UNC13C: variants seen among roughly 807,000 people sequenced by gnomAD.
UNC13C encodes unc-13 homolog C.
In UNC13C, 174 loss-of-function variants were observed where a neutral mutation model predicts 245.4. That is an observed-to-expected ratio of 0.71 (90% CI 0.63 to 0.80). The LOEUF is 0.80. Ranked by LOEUF, UNC13C falls within the 30% of genes least tolerant of loss-of-function variation. The pLI, the probability that UNC13C is intolerant of heterozygous loss-of-function variation, is 0.00. For synonymous variants in UNC13C, 992 were observed against 895.1 expected, an observed-to-expected ratio of 1.11 and a Z score of -1.93; for missense variants, 2,829 against 2,602.9, an observed-to-expected ratio of 1.09 and a Z score of -1.89.
intron 4 of UNC13C, among the ~76,000 whole-genome samples, chr15:54,152,529 T>A (rs752280314): frequency 6.6e-6 from 1 of 152,220 alleles, no homozygotes; most frequent in Non-Finnish European, 1.5e-5. Context: ...AGAGTCAAGC[T>A]TAATCTTCTA....
Position 54,532,919 on chromosome 15 carries a change from T to G in UNC13C, c.5549T>G (p.Phe1850Cys), listed in dbSNP as rs1195747473. The change falls in exon 26 of 33, where the codon TTC becomes TGC. Residue 1850 changes from phenylalanine to cysteine, a missense_variant and splice_region_variant. Coordinates refer to ENST00000260323, the MANE Select transcript of UNC13C (RefSeq NM_001080534.3). Reference sequence around the variant, plus strand: ...GAATTTATATTCTTTATTTTTAGTTTCCAGGTTATAATTGAAGAGTGTATA... The same window carrying G: ...GAATTTATATTCTTTATTTTTAGTTGCCAGGTTATAATTGAAGAGTGTATA... The part of the protein sequence containing the change: ...DELSVTYGES[F>C]QVIIEECIKQ... 2 of 1,522,954 alleles carry G rather than the reference T, an allele frequency of 1.3e-6. No homozygotes were observed. Among genetic ancestry groups the G allele is most frequent in the South Asian group, 1.2e-5 (1 of 80,264 alleles). 94.3% of individuals were successfully genotyped at this position (1,522,954 alleles called of 1,614,324 possible). A position where few individuals can be genotyped will look rare whatever the true frequency, so the allele number is the denominator to read the frequency against.
At chr15:54,610,176 G>A (rs1174831090) in intron 30 of UNC13C, among the ~76,000 whole-genome samples, 1 of 152,120 alleles carries the variant, frequency 6.6e-6, no homozygotes, top group Non-Finnish European at 1.5e-5. Context: ...TGCATTCACA[G>A]TATGTCATAT....
chr15:54,504,477 A>G (rs1222296279), intron 22 of UNC13C, among the ~76,000 whole-genome samples: 2 of 152,206 alleles, frequency 1.3e-5, no homozygotes, highest in African/African-American at 4.8e-5. Context: ...TTGAAATGAT[A>G]TAGATAGAAT....
chr15:54,229,950 G>A (rs1032278870), intron 4 of UNC13C, among the ~76,000 whole-genome samples: 2 of 151,188 alleles, frequency 1.3e-5, no homozygotes, highest in African/African-American at 4.9e-5. Flanking sequence ...CAAATTGTAG[G>A]GTTTTTTTTT....
At position 54,223,972 on chromosome 15, in the gene UNC13C, T is replaced by C. The variant is rs2035301880; in HGVS notation, c.3072-11058T>C. On this transcript the variant is annotated intron_variant, in intron 4 of 32. Transcript: ENST00000260323. ...TGGCATATAAAAATGCTACTGATTT[T>C]TGTATGTTGATTTTGTATCCTGCAA... Among the ~76,000 whole-genome samples the C allele has an allele frequency of 3.9e-5, 6 of 152,170 alleles. 1 individual carries two copies. The highest frequency in any genetic ancestry group is 3.9e-4 in the Admixed American group (6 of 15,274).
Position 54,232,234 on chromosome 15 carries a change from T to C in UNC13C, c.3072-2796T>C, listed in dbSNP as rs540568196. Reference sequence around the variant, plus strand: ...TATGTTTTGAGGCTATCTGTGAAGGTTGAGAAAGTGTTTTCATTGTCTTGC... The same window carrying C: ...TATGTTTTGAGGCTATCTGTGAAGGCTGAGAAAGTGTTTTCATTGTCTTGC... On this transcript the variant is annotated intron_variant, in intron 4 of 32. Coordinates refer to ENST00000260323, the MANE Select transcript of UNC13C (RefSeq NM_001080534.3). Among the ~76,000 whole-genome samples the C allele has an allele frequency of 2.6e-5, 4 of 152,146 alleles. No homozygotes were observed. The Middle Eastern group carries it at 0.01, about 388-fold the overall frequency.
intron 1 of UNC13C, among the ~76,000 whole-genome samples, chr15:54,003,328 G>C (rs1479323256): frequency 2.0e-5 from 3 of 152,156 alleles, no homozygotes; most frequent in Non-Finnish European, 4.4e-5. Flanking sequence ...CCTGTATTCT[G>C]CTCTCTGTGC....
At chr15:54,134,338 T>A (rs2031610180) in intron 2 of UNC13C, among the ~76,000 whole-genome samples, 1 of 151,862 alleles carries the variant, frequency 6.6e-6, no homozygotes, top group Non-Finnish European at 1.5e-5. Flanking sequence ...TCTGCCTTAT[T>A]TCACCTAGTA....
intron 2 of UNC13C, among the ~76,000 whole-genome samples, chr15:54,026,980 A>G (rs1226638175): frequency 6.6e-6 from 1 of 152,132 alleles, no homozygotes; most frequent in Non-Finnish European, 1.5e-5. Flanking sequence ...AGAAAATCCA[A>G]AGTGTTAAGA....
At position 54,313,755 on chromosome 15, in the gene UNC13C, A is replaced by T. The variant is rs138328680; in HGVS notation, c.4269-8184A>T. Among the ~76,000 whole-genome samples, 1,283 of 151,830 alleles carry T rather than the reference A, an allele frequency of 8.5e-3. 25 individuals are homozygous for T. Among genetic ancestry groups the T allele is most frequent in the African/African-American group, 0.03 (1,242 of 41,498 alleles). ...CATTCCAGAAGGAACAGATACGTAT[A>T]CAAGTAATACACAATATTGAAGAAA... On this transcript the variant is annotated intron_variant, in intron 13 of 32. Coordinates refer to ENST00000260323, the MANE Select transcript of UNC13C (RefSeq NM_001080534.3).
intron 17 of UNC13C, among the ~76,000 whole-genome samples, chr15:54,365,329 T>C (rs1453862159): frequency 6.6e-6 from 1 of 152,156 alleles, no homozygotes; most frequent in Non-Finnish European, 1.5e-5. Flanking sequence ...GAAAGGTGTT[T>C]CTCTGATTAT....
chr15:53,934,100 A>T, the UNC13C span, among the ~76,000 whole-genome samples: 1 of 152,194 alleles, frequency 6.6e-6, no homozygotes, highest in African/African-American at 2.4e-5. Flanking sequence ...AGCAAGAGAG[A>T]GAGTGAGGGA....
At chr15:54,504,185 C>T (rs1894362689) in intron 22 of UNC13C, among the ~76,000 whole-genome samples, 1 of 151,976 alleles carries the variant, frequency 6.6e-6, no homozygotes, top group Admixed American at 6.6e-5. Flanking sequence ...TTTAATATTG[C>T]CTAAAAACAA....
intron 17 of UNC13C, among the ~76,000 whole-genome samples, chr15:54,349,328 C>G (rs1479641315): frequency 6.6e-6 from 1 of 151,150 alleles, no homozygotes; most frequent in African/African-American, 2.4e-5. Flanking sequence ...AAATGACTAG[C>G]CAGTTATGCT....
intron 4 of UNC13C, among the ~76,000 whole-genome samples, chr15:54,186,175 G>A (rs112371972): frequency 0.18 from 27,480 of 151,192 alleles, 2,614 homozygotes; most frequent in Middle Eastern, 0.27. Context: ...TTTGGGCTGA[G>A]ACAATGGGGT....
In UNC13C at chr15:54,183,944, T is replaced by C. The variant is rs924374288; in HGVS notation, c.3071+40260T>C. On this transcript the variant is annotated intron_variant, in intron 4 of 32. Transcript: ENST00000260323. ...CTTAAATATTTAATAGCTCGCTTAC[T>C]TGGGGAAAGGACATTCAACCAGTTT... Among the ~76,000 whole-genome samples, 8 of 151,874 alleles carry C rather than the reference T, an allele frequency of 5.3e-5. No individual in the cohort carries two copies. In the East Asian group the frequency reaches 9.7e-4, roughly 18 times the overall value.
chr15:54,551,913 A>G (rs1048942303), intron 28 of UNC13C, among the ~76,000 whole-genome samples: 7 of 151,844 alleles, frequency 4.6e-5, no homozygotes, highest in Non-Finnish European at 1.5e-5. Context: ...ATTTTATTAG[A>G]ATGTCACTCC....
At chr15:54,395,937 A>G (rs998644073) in intron 18 of UNC13C, among the ~76,000 whole-genome samples, 28 of 151,620 alleles carry the variant, frequency 1.8e-4, no homozygotes, top group Non-Finnish European at 5.9e-5. Context: ...TACAGTGTTT[A>G]TTTGAGTAAT....
chr15:54,342,551 A>G (rs2038759273), intron 17 of UNC13C, among the ~76,000 whole-genome samples: 1 of 146,682 alleles, frequency 6.8e-6, no homozygotes, highest in African/African-American at 2.5e-5. Flanking sequence ...ACACAGCAAG[A>G]CCCTATCTCT....
Sources: allele counts gnomAD v4.1 joint callset (sites outside exome capture counted in the v4.1 genomes callset), GRCh38; gene constraint gnomAD v4.1.1; transcripts MANE v1.5; gene names NCBI Gene and HGNC (gene_info 2026-07-23, HGNC 2026-07-21).